RGS17: variants seen among roughly 807,000 people sequenced by gnomAD.
RGS17 encodes regulator of G-protein signaling 17.
RGS17 carries 12 observed loss-of-function variants against 25.5 expected under a neutral mutation model. That is an observed-to-expected ratio of 0.47 (90% CI 0.30 to 0.76). The LOEUF (loss-of-function observed/expected upper bound fraction) is 0.76, where lower values mean the gene tolerates loss of function less well. Ranked by LOEUF, RGS17 falls within the 30% of genes least tolerant of loss-of-function variation. The pLI, the probability that RGS17 is intolerant of heterozygous loss-of-function variation, is 0.07. For missense variants in RGS17, 196 were observed against 242.2 expected, an observed-to-expected ratio of 0.81 and a Z score of 1.27; for synonymous variants, 71 against 76.9, an observed-to-expected ratio of 0.92 and a Z score of 0.40.
chr6:153,022,629 A>C (rs1272641536), intron 4 of RGS17, among the ~76,000 whole-genome samples: 1 of 152,202 alleles, frequency 6.6e-6, no homozygotes, highest in East Asian at 1.9e-4. Context: ...AAGGACTCTC[A>C]TTTTGTATAA....
At chr6:153,112,566 C>T (rs6557267) in intron 1 of RGS17, among the ~76,000 whole-genome samples, 65,346 of 151,940 alleles carry the variant, frequency 0.43, 14,771 homozygotes, top group East Asian at 0.85. Flanking sequence ...TCAGGAAATA[C>T]AGAGAACACC....
chr6:153,015,805 C>T (rs1033074807), intron 4 of RGS17, among the ~76,000 whole-genome samples: 9 of 152,068 alleles, frequency 5.9e-5, no homozygotes, highest in African/African-American at 1.7e-4. Flanking sequence ...AGGCGCCCGC[C>T]ACCACGCCCG....
chr6:153,048,201 A>G (rs9384067), intron 1 of RGS17, among the ~76,000 whole-genome samples: 58,871 of 152,014 alleles, frequency 0.39, 12,132 homozygotes, highest in East Asian at 0.62. Context: ...TCCCAAAAAC[A>G]TGTTCTTCCC....
chr6:153,058,300 T>C (rs756393932), intron 1 of RGS17, among the ~76,000 whole-genome samples: 1 of 152,200 alleles, frequency 6.6e-6, no homozygotes, highest in Non-Finnish European at 1.5e-5. Context: ...TGAGAGATCA[T>C]TTCACTTATA....
Position 153,057,276 on chromosome 6 carries a change from C to CCA in RGS17, c.-25-13234_-25-13233insTG, listed in dbSNP as rs1562322580. 6.6e-4 allele frequency among the ~76,000 whole-genome samples: 100 copies of CCA among 152,024 alleles called. 1 individual carries two copies. The highest frequency in any genetic ancestry group is 2.2e-3 in the African/African-American group (92 of 41,474). On this transcript the variant is annotated intron_variant, in intron 1 of 4. Coordinates refer to ENST00000206262, the MANE Select transcript of RGS17 (RefSeq NM_012419.5). The stretch of plus-strand genomic sequence containing the variant: ...CCATCTTTCTTAATGGTCAAGATGC[C>CCA]GTTGCAGTAAGATCAATTTTGGAAA...
At chr6:153,123,324 C>T (rs529723257) in intron 1 of RGS17, among the ~76,000 whole-genome samples, 15 of 152,056 alleles carry the variant, frequency 9.9e-5, no homozygotes, top group East Asian at 3.9e-4. Context: ...ATTAAGAGCC[C>T]GGTCAAAGAT....
intron 1 of RGS17, among the ~76,000 whole-genome samples, chr6:153,085,798 T>TATA (rs761614747): frequency 8.5e-5 from 13 of 152,206 alleles, no homozygotes; most frequent in Non-Finnish European, 1.8e-4. Flanking sequence ...TCCAAGAGAT[T>TATA]ACCCTTTAAA....
intron 1 of RGS17, among the ~76,000 whole-genome samples, chr6:153,095,937 G>A (rs546178054): frequency 1.5e-4 from 23 of 152,302 alleles, no homozygotes; most frequent in African/African-American, 5.5e-4. Flanking sequence ...GGCATCTTCT[G>A]TGTTCTAGAT....
rs1447209025 is a variant in RGS17 at position 153,130,039 on chromosome 6, C to T, written c.-26+1085G>A. 6.6e-6 allele frequency among the ~76,000 whole-genome samples: 1 copy of T among 152,034 alleles called. No homozygotes were observed. The highest frequency in any genetic ancestry group is 1.9e-4 in the East Asian group (1 of 5,148). ...ACTCCCGAGGCTGGCGCGGGCTGCC[C>T]GCGACAAGGTGCCAGCAGCCTCGGG... On this transcript the variant is annotated intron_variant, in intron 1 of 4. Transcript: ENST00000206262. This position sits in a 1 kb window ranked among gnomAD's most constrained non-coding sequence, Gnocchi z 6.4.
chr6:153,064,545 G>A lies in RGS17; in HGVS notation c.-25-20502C>T, dbSNP rs145712639. Among the ~76,000 whole-genome samples the A allele has an allele frequency of 9.9e-3, 1,509 of 151,940 alleles. 25 individuals are homozygous for A. The highest frequency in any genetic ancestry group is 0.035 in the African/African-American group (1,431 of 41,436). On this transcript the variant is annotated intron_variant, in intron 1 of 4. Coordinates refer to ENST00000206262, the MANE Select transcript of RGS17 (RefSeq NM_012419.5). ...CTCGGCAGGCTGAGGCAGGAGAATAGTGTGAACTCAGGAGGCAGAGCTTGC... is the reference window on the plus strand; with the variant it reads ...CTCGGCAGGCTGAGGCAGGAGAATAATGTGAACTCAGGAGGCAGAGCTTGC...
intron 1 of RGS17, among the ~76,000 whole-genome samples, chr6:153,128,439 T>C (rs1001739383): frequency 3.3e-5 from 5 of 152,192 alleles, no homozygotes; most frequent in African/African-American, 1.2e-4. Context: ...TCATCATCCA[T>C]GCCTACCTTC....
chr6:153,044,541 T>C (rs1776364228), intron 1 of RGS17, among the ~76,000 whole-genome samples: 1 of 152,210 alleles, frequency 6.6e-6, no homozygotes, highest in Admixed American at 6.5e-5. Context: ...CTCACTTCCT[T>C]TGAAACACAA....
chr6:153,052,660 G>C (rs1211625257), intron 1 of RGS17, among the ~76,000 whole-genome samples: 2 of 152,088 alleles, frequency 1.3e-5, no homozygotes, highest in African/African-American at 4.8e-5. Flanking sequence ...CTTCAGACTT[G>C]AGAACCAATG....
intron 4 of RGS17, among the ~76,000 whole-genome samples, chr6:153,022,346 C>T: frequency 6.6e-6 from 1 of 152,164 alleles, no homozygotes; most frequent in East Asian, 1.9e-4. Flanking sequence ...AAAGCTCCAT[C>T]AATCAGTGAC....
intron 1 of RGS17, among the ~76,000 whole-genome samples, chr6:153,047,074 T>A (rs1374977323): frequency 6.6e-6 from 1 of 152,218 alleles, no homozygotes; most frequent in African/African-American, 2.4e-5. Flanking sequence ...AATGGAGTTA[T>A]GTGTTCCAAG....
At chr6:153,071,171 CATA>C (rs1328812959) in intron 1 of RGS17, among the ~76,000 whole-genome samples, 2 of 149,574 alleles carry the variant, frequency 1.3e-5, no homozygotes, top group South Asian at 2.3e-4. Flanking sequence ...TACACACACT[CATA>C]TATATCTTAT....
chr6:153,124,462 T>G (rs1777678141), intron 1 of RGS17, among the ~76,000 whole-genome samples: 2 of 152,236 alleles, frequency 1.3e-5, no homozygotes, highest in Non-Finnish European at 2.9e-5. Flanking sequence ...TTCAAGCCCT[T>G]ATTGTTTACA....
At chr6:153,091,764 T>C (rs1777136243) in intron 1 of RGS17, among the ~76,000 whole-genome samples, 1 of 152,154 alleles carries the variant, frequency 6.6e-6, no homozygotes, top group African/African-American at 2.4e-5. Flanking sequence ...CTGCCCGCCT[T>C]GGCCTCCCAA....
intron 1 of RGS17, among the ~76,000 whole-genome samples, chr6:153,092,823 C>G (rs760599295): frequency 7.2e-5 from 11 of 152,134 alleles, no homozygotes; most frequent in Admixed American, 5.9e-4. Context: ...CCAGCTACCC[C>G]CTAAGGAACA....
Sources: gnomAD v4.1 joint callset for allele counts (sites outside exome capture counted in the v4.1 genomes callset) on GRCh38, gnomAD v4.1.1 for gene constraint, Gnocchi (gnomAD v3.1) non-coding constraint, MANE v1.5 for transcripts, NCBI Gene and HGNC (gene_info 2026-07-23, HGNC 2026-07-21) for gene names.